The following DLGAP1 variants were observed in gnomAD, a reference collection of about 807,000 sequenced individuals.
DLGAP1 encodes DLG associated protein 1, also known as disks large-associated protein 1.
DLGAP1 carries 11 observed loss-of-function variants against 90.8 expected under a neutral mutation model. That is an observed-to-expected ratio of 0.12 (90% confidence interval 0.08 to 0.20). The LOEUF is 0.20. Ranked by LOEUF, DLGAP1 falls within the 10% of genes least tolerant of loss-of-function variation. The pLI is 1.00. For synonymous variants in DLGAP1, 558 were observed against 540.7 expected, an observed-to-expected ratio of 1.03 and a Z score of -0.44; for missense variants, 1,050 against 1,333.8, an observed-to-expected ratio of 0.79 and a Z score of 3.31.
At chr18:4,429,030 T>A (rs575942591) in intron 1 of DLGAP1, among the ~76,000 whole-genome samples, 1 of 152,304 alleles carries the variant, frequency 6.6e-6, no homozygotes, top group South Asian at 2.1e-4. Flanking sequence ...CAACCAAGGA[T>A]CTAAAAGGAT....
At position 3,700,599 on chromosome 18, in the gene DLGAP1, T is replaced by TTAC. The variant is rs200465975; in HGVS notation, c.1591+28535_1591+28536insGTA. On this transcript the variant is annotated intron_variant, in intron 7 of 12. Coordinates refer to ENST00000315677, the MANE Select transcript of DLGAP1 (RefSeq NM_004746.4). ...CTTGCCAGCCACCTAGCATTTTATTTTATTTTTTTAAAATTTTAATTGTTT... is the reference window on the plus strand; with the variant it reads ...CTTGCCAGCCACCTAGCATTTTATTTTACTATTTTTTTAAAATTTTAATTGTTT... Among the ~76,000 whole-genome samples, 219 of 124,168 alleles carry TTAC rather than the reference T, an allele frequency of 1.8e-3. 2 individuals are homozygous for TTAC. Among genetic ancestry groups the TTAC allele is most frequent in the African/African-American group, 9.2e-3 (212 of 23,164 alleles). 81.5% of individuals were successfully genotyped at this position (124,168 alleles called of 152,430 possible).
intron 7 of DLGAP1, among the ~76,000 whole-genome samples, chr18:3,715,326 T>C (rs191080725): frequency 5.4e-4 from 82 of 152,188 alleles, no homozygotes; most frequent in African/African-American, 1.9e-3. Flanking sequence ...AAGGAAGAGG[T>C]TGGAGAAGGG....
At chr18:4,135,733 AC>A (rs1269934634) in intron 2 of DLGAP1, among the ~76,000 whole-genome samples, 1 of 150,190 alleles carries the variant, frequency 6.7e-6, no homozygotes, top group Non-Finnish European at 1.5e-5. Flanking sequence ...GGCTTATTTC[AC>A]TTAACACAAT....
chr18:4,432,712 A>G (rs2083316278), intron 1 of DLGAP1, among the ~76,000 whole-genome samples: 1 of 151,908 alleles, frequency 6.6e-6, no homozygotes, highest in Non-Finnish European at 1.5e-5. Flanking sequence ...TCCAGAATTT[A>G]TTCATCCTGT....
At chr18:3,927,327 C>T (rs2072414227) in intron 3 of DLGAP1, among the ~76,000 whole-genome samples, 1 of 152,202 alleles carries the variant, frequency 6.6e-6, no homozygotes, top group African/African-American at 2.4e-5. Flanking sequence ...AGTGCTTTTA[C>T]TGAAAGATCG....
chr18:4,381,530 T>G (rs1027474863), intron 1 of DLGAP1, among the ~76,000 whole-genome samples: 7 of 152,188 alleles, frequency 4.6e-5, no homozygotes, highest in African/African-American at 1.7e-4. Flanking sequence ...ACTTAAGATG[T>G]GTTTCTTACC....
intron 4 of DLGAP1, among the ~76,000 whole-genome samples, chr18:3,868,566 C>T (rs2070546865): frequency 6.6e-6 from 1 of 152,158 alleles, no homozygotes; most frequent in Admixed American, 6.5e-5. Flanking sequence ...TCTCTATCAT[C>T]ACTAATTTCC....
At chr18:4,325,785 G>A (rs574560923) in intron 1 of DLGAP1, among the ~76,000 whole-genome samples, 1 of 151,896 alleles carries the variant, frequency 6.6e-6, no homozygotes, top group South Asian at 2.1e-4. Flanking sequence ...CATTCAAAAA[G>A]TGTTAGGATA....
intron 7 of DLGAP1, among the ~76,000 whole-genome samples, chr18:3,685,546 A>G (rs28575245): frequency 0.15 from 20,386 of 135,754 alleles, 3,631 homozygotes; most frequent in African/African-American, 0.44. Context: ...CCTGGGCGAC[A>G]GAGCGAGATT....
chr18:3,862,426 T>C lies in DLGAP1; in HGVS notation c.957+16686A>G, dbSNP rs537642052. Among the ~76,000 whole-genome samples the C allele has an allele frequency of 4.6e-4, 70 of 152,366 alleles. No individual in the cohort carries two copies. The South Asian group carries it at 0.011, about 23-fold the overall frequency. ...GAAGAGAATCACAGATGAGGATTAC[T>C]GTCCAAAAGAGAGCTTCAGCAACTA... On this transcript the variant is annotated intron_variant, in intron 4 of 12. Coordinates refer to ENST00000315677, the MANE Select transcript of DLGAP1 (RefSeq NM_004746.4).
chr18:3,553,380 C>T (rs962466818), intron 9 of DLGAP1, among the ~76,000 whole-genome samples: 4 of 151,898 alleles, frequency 2.6e-5, no homozygotes, highest in African/African-American at 4.8e-5. Flanking sequence ...GGATTATGGG[C>T]GACTTTATTT....
intron 1 of DLGAP1, among the ~76,000 whole-genome samples, chr18:4,169,617 T>C (rs1266933913): frequency 6.6e-6 from 1 of 152,206 alleles, no homozygotes; most frequent in African/African-American, 2.4e-5. Context: ...AAGTTTCATG[T>C]TTCCCAGTAG....
At chr18:3,552,161 T>G (rs1490451477) in intron 9 of DLGAP1, among the ~76,000 whole-genome samples, 1 of 152,006 alleles carries the variant, frequency 6.6e-6, no homozygotes, top group African/African-American at 2.4e-5. Context: ...ATAAGAAGAT[T>G]CTTTGAGGAA....
At chr18:4,297,088 CT>C (rs1463486199) in intron 1 of DLGAP1, among the ~76,000 whole-genome samples, 2 of 152,112 alleles carry the variant, frequency 1.3e-5, no homozygotes, top group Non-Finnish European at 2.9e-5. Context: ...TTTGAACACC[CT>C]TTTTATAGTA....
In DLGAP1 at chr18:3,596,391, C is replaced by T. The variant is rs367565295; in HGVS notation, c.1592-14143G>A. On this transcript the variant is annotated intron_variant, in intron 7 of 12. Coordinates refer to ENST00000315677, the MANE Select transcript of DLGAP1 (RefSeq NM_004746.4). ...GCCAGGCTGATCTTGAACTCCTGAC[C>T]TTAGATGATCTGTCTGCCTCGGCCT... is the stretch of plus-strand genomic sequence containing the variant. 1.6e-4 allele frequency among the ~76,000 whole-genome samples: 24 copies of T among 152,174 alleles called. No individual in the cohort carries two copies. In the East Asian group the frequency reaches 3.1e-3, roughly 20 times the overall value.
chr18:4,206,912 G>C (rs1285492717), intron 1 of DLGAP1, among the ~76,000 whole-genome samples: 2 of 152,118 alleles, frequency 1.3e-5, no homozygotes, highest in African/African-American at 4.8e-5. Flanking sequence ...CTTTAGGATG[G>C]GGAGCAATTG....
rs947755008 is a variant in DLGAP1 at position 3,813,973 on chromosome 18, C to T, written c.1172+86G>A. ...CTCCACCTGTAGGATGTTTCTGCCCCACTTACTCTAGGAGACACACCATCT... is the reference window on the plus strand; with the variant it reads ...CTCCACCTGTAGGATGTTTCTGCCCTACTTACTCTAGGAGACACACCATCT... On this transcript the variant is annotated intron_variant, in intron 5 of 12. Transcript: ENST00000315677. The T allele has an allele frequency of 2.9e-6, 4 of 1,356,910 alleles. No homozygotes were observed. The African/African-American group carries it at 4.3e-5, about 15-fold the overall frequency. 84.1% of individuals were successfully genotyped at this position (1,356,910 alleles called of 1,614,324 possible).
At chr18:3,540,979 A>G (rs958724981) in intron 9 of DLGAP1, among the ~76,000 whole-genome samples, 1 of 152,152 alleles carries the variant, frequency 6.6e-6, no homozygotes, top group Admixed American at 6.5e-5. Context: ...GGCTGTCACT[A>G]TAGGAACCCT....
At chr18:3,629,487 C>T (rs1169563759) in intron 7 of DLGAP1, among the ~76,000 whole-genome samples, 3 of 151,794 alleles carry the variant, frequency 2.0e-5, no homozygotes, top group South Asian at 2.1e-4. Flanking sequence ...CTGGCTAACA[C>T]GCTGAAACCC....
Sources: gnomAD v4.1 joint callset for allele counts (sites outside exome capture counted in the v4.1 genomes callset) on GRCh38, gnomAD v4.1.1 for gene constraint, MANE v1.5 for transcripts, NCBI Gene and HGNC (gene_info 2026-07-23, HGNC 2026-07-21) for gene names.